ZBTB20: variants seen among roughly 807,000 people sequenced by gnomAD.
ZBTB20 encodes zinc finger and BTB domain containing 20, also known as zinc finger and BTB domain-containing protein 20.
Under a neutral mutation model 56.9 loss-of-function variants are expected in ZBTB20, and 9 were observed. The ratio of observed to expected loss-of-function variants is 0.16; its 90% CI spans 0.10 to 0.28. The LOEUF is 0.28. Among genes scored for constraint, ZBTB20 ranks in the 10% least tolerant of loss-of-function variants. ZBTB20 has a pLI of 1.00. For missense variants in ZBTB20, 655 were observed against 1,003.0 expected (o/e 0.65, Z 4.69); for synonymous variants, 417 against 420.7 (o/e 0.99, Z 0.11).
chr3:114,590,553 AAAT>A (rs1306822399), intron 6 of ZBTB20, among the ~76,000 whole-genome samples: 3 of 151,314 alleles, frequency 2.0e-5, no homozygotes, highest in East Asian at 1.9e-4. Context: ...ATAAATAAAT[AAAT>A]AAAAATTTCA....
chr3:114,659,201 G>C (rs1437175186), intron 6 of ZBTB20, among the ~76,000 whole-genome samples: 2 of 152,154 alleles, frequency 1.3e-5, no homozygotes, highest in African/African-American at 4.8e-5. Context: ...GTGGCTCCTG[G>C]CAGTGTTCCT....
At chr3:114,620,965 T>C (rs2058281425) in intron 6 of ZBTB20, among the ~76,000 whole-genome samples, 1 of 152,180 alleles carries the variant, frequency 6.6e-6, no homozygotes. Flanking sequence ...GATGCTAATA[T>C]GTAAATACAG....
chr3:114,927,786 C>T (rs904459724), intron 3 of ZBTB20, among the ~76,000 whole-genome samples: 4 of 152,096 alleles, frequency 2.6e-5, no homozygotes, highest in Non-Finnish European at 5.9e-5. Flanking sequence ...ATAGTCCATA[C>T]CTCTCTATTT....
At chr3:115,027,594 G>A (rs2108329233) in intron 2 of ZBTB20, 1 of 150,940 alleles carries the variant, frequency 6.6e-6, no homozygotes, top group Admixed American at 6.6e-5. Flanking sequence ...TAAAAGTAAA[G>A]TATTCTTACT....
At chr3:114,773,700 T>C (rs2069378847) in intron 5 of ZBTB20, among the ~76,000 whole-genome samples, 1 of 152,068 alleles carries the variant, frequency 6.6e-6, no homozygotes, top group African/African-American at 2.4e-5. Flanking sequence ...TGAAAGTTTA[T>C]AAAGGCATGA....
intron 6 of ZBTB20, among the ~76,000 whole-genome samples, chr3:114,509,861 T>A (rs911563925): frequency 7.9e-5 from 12 of 152,132 alleles, no homozygotes; most frequent in Non-Finnish European, 1.3e-4. Flanking sequence ...TGAGATTTCC[T>A]TGTAAATATC....
intron 1 of ZBTB20, among the ~76,000 whole-genome samples, chr3:115,106,334 C>T (rs1361383157): frequency 2.7e-5 from 4 of 149,162 alleles, no homozygotes; most frequent in African/African-American, 9.9e-5. Flanking sequence ...CCCGGGTTCA[C>T]ACCACTCTCC....
At chr3:114,892,952 G>C (rs1576249231) in intron 4 of ZBTB20, among the ~76,000 whole-genome samples, 1 of 152,140 alleles carries the variant, frequency 6.6e-6, no homozygotes, top group South Asian at 2.1e-4. Flanking sequence ...AAGCACAAAG[G>C]CCTCTTTGAA....
chr3:114,435,760 C>T (rs918879682), intron 7 of ZBTB20, among the ~76,000 whole-genome samples: 1 of 152,152 alleles, frequency 6.6e-6, no homozygotes, highest in Non-Finnish European at 1.5e-5. Flanking sequence ...TATAAAAAGT[C>T]TAACGAGAAT....
At chr3:114,732,623 A>C (rs1016838549) in intron 5 of ZBTB20, among the ~76,000 whole-genome samples, 2 of 152,160 alleles carry the variant, frequency 1.3e-5, no homozygotes, top group African/African-American at 4.8e-5. Flanking sequence ...CAAAGATTCA[A>C]GACAGCTTTG....
chr3:115,005,437 A>G (rs1192086144), intron 2 of ZBTB20, among the ~76,000 whole-genome samples: 1 of 151,740 alleles, frequency 6.6e-6, no homozygotes, highest in Non-Finnish European at 1.5e-5. Flanking sequence ...TTTATATCTG[A>G]CTAGATGTTT....
At chr3:115,024,879 G>C (rs1178311151) in intron 2 of ZBTB20, among the ~76,000 whole-genome samples, 1 of 151,164 alleles carries the variant, frequency 6.6e-6, no homozygotes, top group Non-Finnish European at 1.5e-5. Context: ...GTTACCGCTA[G>C]TAACTACTGT....
At chr3:114,777,289 G>A (rs1476613233) in intron 5 of ZBTB20, among the ~76,000 whole-genome samples, 4 of 151,988 alleles carry the variant, frequency 2.6e-5, no homozygotes, top group Non-Finnish European at 5.9e-5. Flanking sequence ...GAGGCCGAGG[G>A]AGGTCAGGAC....
chr3:114,930,932 T>C, intron 3 of ZBTB20: 1 of 191,558 alleles, frequency 5.2e-6, no homozygotes, highest in South Asian at 1.2e-4. Flanking sequence ...ACCTTAACCA[T>C]CATTGACGCT....
At chr3:114,735,220 T>C (rs1384356163) in intron 5 of ZBTB20, among the ~76,000 whole-genome samples, 1 of 152,152 alleles carries the variant, frequency 6.6e-6, no homozygotes, top group Non-Finnish European at 1.5e-5. Context: ...AATTTGAAAA[T>C]GAGTTTATCT....
chr3:114,585,805 G>C (rs1296246098), intron 6 of ZBTB20, among the ~76,000 whole-genome samples: 3 of 152,228 alleles, frequency 2.0e-5, no homozygotes, highest in Non-Finnish European at 4.4e-5. Context: ...GGAATAACTT[G>C]CTTGTCATCA....
chr3:114,821,035 C>G (rs528249990), intron 4 of ZBTB20, among the ~76,000 whole-genome samples: 1 of 152,062 alleles, frequency 6.6e-6, no homozygotes, highest in African/African-American at 2.4e-5. Context: ...AGTGTATTTG[C>G]GTTTTCACAT....
At chr3:114,795,214 A>T (rs539638671) in intron 5 of ZBTB20, among the ~76,000 whole-genome samples, 1 of 152,232 alleles carries the variant, frequency 6.6e-6, no homozygotes, top group East Asian at 1.9e-4. Flanking sequence ...ACCTTCAGGA[A>T]GGATTTAAAA....
At chr3:114,998,808 T>A (rs773646647) in intron 2 of ZBTB20, among the ~76,000 whole-genome samples, 3 of 151,536 alleles carry the variant, frequency 2.0e-5, no homozygotes, top group Non-Finnish European at 3.0e-5. Flanking sequence ...TACTTATGGG[T>A]TATTCAAATG....
Sources: allele counts gnomAD v4.1 joint callset (sites outside exome capture counted in the v4.1 genomes callset), GRCh38; gene constraint gnomAD v4.1.1; transcripts MANE v1.5; gene names NCBI Gene and HGNC (gene_info 2026-07-23, HGNC 2026-07-21).